NEK6: variants seen among roughly 807,000 people sequenced by gnomAD.
NEK6 encodes serine/threonine-protein kinase Nek6.
A neutral mutation model predicts 43.5 loss-of-function variants in NEK6; 27 were observed. That is an observed-to-expected ratio of 0.62 (90% CI 0.46 to 0.86). NEK6 has a LOEUF of 0.86. Ranked by LOEUF, NEK6 falls within the 40% of genes least tolerant of loss-of-function variation. NEK6 has a pLI of 0.00. For synonymous variants in NEK6, 167 were observed against 164.1 expected, an observed-to-expected ratio of 1.02 and a Z score of -0.14; for missense variants, 318 against 414.4, an observed-to-expected ratio of 0.77 and a Z score of 2.02.
intron 3 of NEK6, among the ~76,000 whole-genome samples, 195 bp from the exon 4 acceptor site, chr9:124,313,728 G>T (rs1017100656): frequency 8.6e-5 from 13 of 151,292 alleles, no homozygotes; most frequent in Non-Finnish European, 1.3e-4. Context: ...TGCCACGATG[G>T]GTTTTGTGGT....
intron 1 of NEK6, chr9:124,261,120 C>T (rs995442990): frequency 4.6e-5 from 7 of 152,184 alleles, no homozygotes; most frequent in African/African-American, 1.4e-4. Flanking sequence ...CTGCCTTTGT[C>T]GTGCTTTGCT....
chr9:124,331,013 A>C (rs1380473453), intron 7 of NEK6, among the ~76,000 whole-genome samples: 1 of 152,162 alleles, frequency 6.6e-6, no homozygotes, highest in Non-Finnish European at 1.5e-5. Flanking sequence ...CTGTGATCTC[A>C]GCACTTTGGG....
At chr9:124,299,216 C>T (rs1832840001) in intron 1 of NEK6, among the ~76,000 whole-genome samples, 1 of 152,188 alleles carries the variant, frequency 6.6e-6, no homozygotes. Context: ...GACCTGTGGG[C>T]CAAGGCTGGT....
chr9:124,297,711 TTGG>T (rs1268779173), intron 1 of NEK6, among the ~76,000 whole-genome samples: 1 of 152,256 alleles, frequency 6.6e-6, no homozygotes, highest in East Asian at 1.9e-4. Flanking sequence ...TGACTTGGGC[TTGG>T]CAGCTACTAC....
At chr9:124,297,992 AG>A (rs1162317926) in intron 1 of NEK6, among the ~76,000 whole-genome samples, 6 of 152,180 alleles carry the variant, frequency 3.9e-5, no homozygotes, top group African/African-American at 1.4e-4. Flanking sequence ...ACCCATGGAG[AG>A]CCCCAAGAGG....
At chr9:124,335,744 A>G (rs578170946) in intron 7 of NEK6, among the ~76,000 whole-genome samples, 12 of 152,358 alleles carry the variant, frequency 7.9e-5, no homozygotes, top group African/African-American at 2.9e-4. Flanking sequence ...GACAGCCCAG[A>G]TCAGAGATTT....
chr9:124,344,162 C>T (rs978164629), intron 8 of NEK6, among the ~76,000 whole-genome samples: 6 of 152,208 alleles, frequency 3.9e-5, no homozygotes, highest in Non-Finnish European at 7.3e-5. Flanking sequence ...CCTTCTCTCT[C>T]GGGCTCCCTG....
chr9:124,326,424 G>T lies in NEK6; in HGVS notation c.500G>T (p.Arg167Leu). ...CSAVEHMHSR[R>L]VMHRDIKPAN... ...GCCGTGGAGCACATGCATTCACGCC[G>T]GGTGATGCACCGAGGTACGTGCCAC... is the stretch of plus-strand genomic sequence containing the variant. The change falls in exon 6 of 10, where the codon CGG (arginine) becomes CTG (leucine). Residue 167 changes from arginine (R) to leucine (L), a missense_variant. Physicochemically the swap from Arg to Leu is moderately radical, Grantham distance 102 (BLOSUM62 -2). Coordinates refer to ENST00000320246, the MANE Select transcript of NEK6 (RefSeq NM_014397.6). The surrounding 1 kb of genome is among the most constrained non-coding windows in gnomAD (Gnocchi z 4.5). 6.2e-7 allele frequency: 1 copy of T among 1,608,318 alleles called. No individual in the cohort carries two copies.
rs1834251339 is a variant in NEK6, at chr9:124,324,777, A to G, written c.406-1553A>G. ...CCCACTGCGACTGTCCCACCGTGGG[A>G]AGCACCCAGACCTGGGTCCCAGCTG... On this transcript the variant is annotated intron_variant, in intron 5 of 9. Coordinates refer to ENST00000320246, the MANE Select transcript of NEK6 (RefSeq NM_014397.6). This position sits in a 1 kb window ranked among gnomAD's most constrained non-coding sequence, Gnocchi z 5.3. Among the ~76,000 whole-genome samples the G allele has an allele frequency of 6.6e-6, 1 of 152,056 alleles. No individual in the cohort carries two copies. Among genetic ancestry groups the G allele is most frequent in the Admixed American group, 6.5e-5 (1 of 15,276 alleles).
intron 1 of NEK6, among the ~76,000 whole-genome samples, chr9:124,264,586 C>T (rs548397229): frequency 2.6e-5 from 4 of 151,848 alleles, no homozygotes; most frequent in South Asian, 4.1e-4. Context: ...GGGCAGATCA[C>T]TTGAGGTCAG....
In NEK6 at chr9:124,326,202, T is replaced by TCCCCACCCCCCCC; in HGVS notation, c.406-124_406-123insACCCCCCCCCCCC. The TCCCCACCCCCCCC allele has an allele frequency of 8.1e-6, 1 of 124,052 alleles. No individual in the cohort carries two copies. The highest frequency in any genetic ancestry group is 2.0e-5 in the Non-Finnish European group (1 of 50,618). The allele number at this position is 124,052 out of a possible 1,614,324, so 7.7% of individuals were successfully genotyped here. A position where few individuals can be genotyped will look rare whatever the true frequency, so the allele number is the denominator to read the frequency against. ...GCTTATTGTTTGCTCAGTGGCTCAA[T>TCCCCACCCCCCCC]CCCCCCCCCCCGCCCCTGCCAGGCA... On this transcript the variant is annotated intron_variant, in intron 5 of 9. Transcript: ENST00000320246. The surrounding 1 kb of genome is among the most constrained non-coding windows in gnomAD (Gnocchi z 4.5).
intron 2 of NEK6, among the ~76,000 whole-genome samples, chr9:124,310,227 G>C (rs940119361): frequency 6.6e-6 from 1 of 152,224 alleles, no homozygotes; most frequent in Admixed American, 6.5e-5. Context: ...TCCTGAAATG[G>C]GGACAGCAGT....
intron 7 of NEK6, among the ~76,000 whole-genome samples, chr9:124,330,368 CAAGT>C (rs528389555): frequency 1.4e-3 from 212 of 152,356 alleles, no homozygotes; most frequent in Non-Finnish European, 2.7e-3. Flanking sequence ...AAGCTACAAG[CAAGT>C]GTCTCGCTCC....
chr9:124,293,881 C>T (rs1832547373), intron 1 of NEK6, among the ~76,000 whole-genome samples: 1 of 152,264 alleles, frequency 6.6e-6, no homozygotes, highest in African/African-American at 2.4e-5. Context: ...AACAGCCCAC[C>T]TTCAGGGAGA....
rs1012531753 is a variant in NEK6, at chr9:124,339,737, C to T, written c.717+72C>T. ...GGGGGTGCCCAGTTAGGACAGGGCT[C>T]ACCCTACCAGCTCAGGGTTGGAACC... On this transcript the variant is annotated intron_variant, in intron 8 of 9. Coordinates refer to ENST00000320246, the MANE Select transcript of NEK6 (RefSeq NM_014397.6). 2.7e-6 allele frequency: 3 copies of T among 1,105,908 alleles called. No individual in the cohort carries two copies. The African/African-American group carries it at 4.6e-5, about 17-fold the overall frequency. The allele number at this position is 1,105,908 out of a possible 1,614,324, so 68.5% of individuals were successfully genotyped here.
At chr9:124,298,311 T>C (rs948714314) in intron 1 of NEK6, among the ~76,000 whole-genome samples, 6 of 151,912 alleles carry the variant, frequency 3.9e-5, no homozygotes, top group African/African-American at 1.5e-4. Context: ...GCTGCTGCTT[T>C]CCTAGAACAG....
chr9:124,315,299 G>A (rs550490613), intron 4 of NEK6, among the ~76,000 whole-genome samples: 16 of 152,244 alleles, frequency 1.1e-4, no homozygotes, highest in Non-Finnish European at 1.3e-4. Context: ...CCGCAGCACC[G>A]TGGATTATGG....
chr9:124,344,240 T>G (rs1829800883), intron 8 of NEK6, among the ~76,000 whole-genome samples: 1 of 152,110 alleles, frequency 6.6e-6, no homozygotes, highest in South Asian at 2.1e-4. Flanking sequence ...AGCCAACATT[T>G]CATCACAGCT....
intron 3 of NEK6, among the ~76,000 whole-genome samples, chr9:124,313,302 C>A (rs574221713): frequency 6.6e-6 from 1 of 152,090 alleles, no homozygotes; most frequent in Non-Finnish European, 1.5e-5. Flanking sequence ...GGAGAGAACA[C>A]CCGCAGCTTC....
Sources: gnomAD v4.1 joint callset for allele counts (sites outside exome capture counted in the v4.1 genomes callset) on GRCh38, gnomAD v4.1.1 for gene constraint, Gnocchi (gnomAD v3.1) non-coding constraint, MANE v1.5 for transcripts, NCBI Gene and HGNC (gene_info 2026-07-23, HGNC 2026-07-21) for gene names.